The following CSMD3 variants were observed in gnomAD, a reference collection of about 807,000 sequenced individuals.
The protein encoded by CSMD3 is CUB and sushi domain-containing protein 3.
In CSMD3, 177 loss-of-function variants were observed where a neutral mutation model predicts 435.2. The observed-to-expected ratio is 0.41, with a 90% confidence interval of 0.36 to 0.46. CSMD3 has a LOEUF of 0.46. CSMD3 is among the 20% of genes least tolerant of loss of function. The pLI is 0.34. For missense variants in CSMD3, 4,265 were observed against 4,504.6 expected (o/e 0.95, Z 1.52); for synonymous variants, 1,656 against 1,520.5 (o/e 1.09, Z -2.07).
chr8:112,588,821 T>C (rs1169415102), intron 22 of CSMD3, among the ~76,000 whole-genome samples: 1 of 152,116 alleles, frequency 6.6e-6, no homozygotes, highest in African/African-American at 2.4e-5. Context: ...TGAGAAACTT[T>C]CATCCATATA....
intron 4 of CSMD3, among the ~76,000 whole-genome samples, chr8:113,138,833 G>T (rs1055250641): frequency 3.3e-5 from 5 of 150,732 alleles, no homozygotes; most frequent in Non-Finnish European, 5.9e-5. Flanking sequence ...GTGTGTGTGT[G>T]TGTGTCTGTA....
chr8:113,417,190 A>T (rs1716927539), intron 1 of CSMD3, among the ~76,000 whole-genome samples: 1 of 152,018 alleles, frequency 6.6e-6, no homozygotes, highest in African/African-American at 2.4e-5. Flanking sequence ...ATGCCCAAGA[A>T]AAAAGATTTA....
chr8:113,297,134 T>C (rs1345502959), intron 2 of CSMD3, among the ~76,000 whole-genome samples: 1 of 152,154 alleles, frequency 6.6e-6, no homozygotes, highest in African/African-American at 2.4e-5. Context: ...TTAAATTGTT[T>C]TATTAAGTTA....
chr8:112,406,512 T>G lies in CSMD3; in HGVS notation c.5809+12A>C, dbSNP rs1408518213. The G allele has an allele frequency of 3.8e-6, 6 of 1,584,980 alleles. No homozygotes were observed. In the Admixed American group the frequency reaches 1.0e-4, roughly 27 times the overall value. ...ATGTATAATCACAGATCATACAAAT[T>G]TATATACTCACCAATACAAGTAGGT... is the stretch of plus-strand genomic sequence containing the variant. On this transcript the variant is annotated intron_variant, in intron 35 of 70. Coordinates refer to ENST00000297405, the MANE Select transcript of CSMD3 (RefSeq NM_198123.2).
At chr8:112,397,969 T>A (rs1165133394) in intron 35 of CSMD3, among the ~76,000 whole-genome samples, 1 of 152,210 alleles carries the variant, frequency 6.6e-6, no homozygotes, top group African/African-American at 2.4e-5. Flanking sequence ...GGTGACACTT[T>A]AAGATATGAT....
At chr8:112,657,095 T>C (rs1008924224) in intron 17 of CSMD3, among the ~76,000 whole-genome samples, 8 of 148,398 alleles carry the variant, frequency 5.4e-5, no homozygotes, top group African/African-American at 2.0e-4. Context: ...CAAAATCTAA[T>C]TCCATCAACC....
chr8:112,361,568 CATACATAT>C (rs1320649509), intron 38 of CSMD3, among the ~76,000 whole-genome samples: 6 of 35,594 alleles, frequency 1.7e-4, no homozygotes, highest in African/African-American at 4.8e-4. Flanking sequence ...TATATATACA[CATACATAT>C]ATATATATAT....
chr8:113,369,541 A>G (rs2094334171), intron 1 of CSMD3, among the ~76,000 whole-genome samples: 1 of 151,988 alleles, frequency 6.6e-6, no homozygotes, highest in Non-Finnish European at 1.5e-5. Context: ...TGATCTAGCA[A>G]TCCCACTGCT....
chr8:113,233,465 T>C (rs900179500), intron 3 of CSMD3, among the ~76,000 whole-genome samples: 1 of 150,812 alleles, frequency 6.6e-6, no homozygotes, highest in Non-Finnish European at 1.5e-5. Flanking sequence ...AAAAGTAAAC[T>C]AATAATTATA....
chr8:113,362,579 C>T (rs760897226), intron 1 of CSMD3, among the ~76,000 whole-genome samples: 91 of 152,126 alleles, frequency 6.0e-4, no homozygotes, highest in Non-Finnish European at 9.6e-4. Context: ...CTTTTAAGCC[C>T]GAGGCAAATT....
At chr8:112,514,292 C>T (rs1823449100) in intron 28 of CSMD3, among the ~76,000 whole-genome samples, 1 of 152,084 alleles carries the variant, frequency 6.6e-6, no homozygotes, top group Non-Finnish European at 1.5e-5. Context: ...TTTGTAAATC[C>T]CAAACTCTTA....
At chr8:112,847,523 T>C (rs2080358154) in intron 11 of CSMD3, among the ~76,000 whole-genome samples, 1 of 152,130 alleles carries the variant, frequency 6.6e-6, no homozygotes, top group South Asian at 2.1e-4. Context: ...CCTCTCCCAC[T>C]CCCTTAATAG....
At position 112,459,547 on chromosome 8, in the gene CSMD3, T is replaced by C. The variant is rs182559724; in HGVS notation, c.5395+13044A>G. On this transcript the variant is annotated intron_variant, in intron 32 of 70. Transcript: ENST00000297405. Reference sequence around the variant, plus strand: ...AGTACATGTAAATGTTTCAAAATTCTAACAACTGAAAATTGTTGTGCCCTT... The same window carrying C: ...AGTACATGTAAATGTTTCAAAATTCCAACAACTGAAAATTGTTGTGCCCTT... 1.3e-3 allele frequency among the ~76,000 whole-genome samples: 202 copies of C among 152,284 alleles called. 2 individuals carry two copies. Among genetic ancestry groups the C allele is most frequent in the Non-Finnish European group, 1.1e-3 (78 of 67,986 alleles).
chr8:112,645,290 T>G, intron 19 of CSMD3, 65 bp from the exon 20 acceptor site: 6 of 886,264 alleles, frequency 6.8e-6, no homozygotes, highest in Non-Finnish European at 1.2e-5. Flanking sequence ...AACAAATCTC[T>G]ATCTCCTCTC....
At chr8:112,752,900 CGTGTGTGTGTGTGTGTGT>C (rs10617885) in intron 13 of CSMD3, among the ~76,000 whole-genome samples, 1 of 146,498 alleles carries the variant, frequency 6.8e-6, no homozygotes, top group Non-Finnish European at 1.5e-5. Context: ...TTTGTTACCG[CGTGTGTGTGTGTGTGTGT>C]GTGTGTGTGT....
At position 113,074,219 on chromosome 8, in the gene CSMD3, C is replaced by T. The variant is rs559059769; in HGVS notation, c.917+24537G>A. Among the ~76,000 whole-genome samples the T allele has an allele frequency of 5.3e-5, 8 of 151,630 alleles. No individual in the cohort carries two copies. In the South Asian group the frequency reaches 1.0e-3, roughly 20 times the overall value. On this transcript the variant is annotated intron_variant, in intron 5 of 70. Coordinates refer to ENST00000297405, the MANE Select transcript of CSMD3 (RefSeq NM_198123.2). Reference sequence around the variant, plus strand: ...ACCTTGCTTTCTGTTGATCTGTCATCACATATCTCTTTCCTACATGAACCA... The same window carrying T: ...ACCTTGCTTTCTGTTGATCTGTCATTACATATCTCTTTCCTACATGAACCA...
intron 3 of CSMD3, among the ~76,000 whole-genome samples, chr8:113,250,361 A>G (rs1446876254): frequency 1.3e-5 from 2 of 152,118 alleles, no homozygotes; most frequent in African/African-American, 4.8e-5. Flanking sequence ...AGAATGACAC[A>G]TCCTGATGTA....
chr8:113,046,495 T>A (rs1334991017), intron 5 of CSMD3, among the ~76,000 whole-genome samples: 1 of 127,460 alleles, frequency 7.8e-6, no homozygotes, highest in Non-Finnish European at 1.9e-5. Context: ...AACGCAAAAC[T>A]CCCTCATTCC....
intron 3 of CSMD3, among the ~76,000 whole-genome samples, chr8:113,231,819 A>G (rs947650066): frequency 6.6e-5 from 10 of 151,550 alleles, no homozygotes; most frequent in African/African-American, 2.4e-4. Context: ...AACAACTGGT[A>G]TAACATGAAA....
Sources: allele counts gnomAD v4.1 joint callset (sites outside exome capture counted in the v4.1 genomes callset), GRCh38; gene constraint gnomAD v4.1.1; transcripts MANE v1.5; gene names NCBI Gene and HGNC (gene_info 2026-07-23, HGNC 2026-07-21).